The following PDE7B variants were observed in gnomAD, a reference collection of about 807,000 sequenced individuals.
PDE7B encodes the protein 3',5'-cyclic-AMP phosphodiesterase 7B.
In PDE7B, 29 loss-of-function variants were observed where a neutral mutation model predicts 56.2. That is an observed-to-expected ratio of 0.52 (90% confidence interval 0.38 to 0.70). The LOEUF is 0.70. PDE7B is among the 30% of genes least tolerant of loss of function. The pLI is 0.00. For synonymous variants in PDE7B, 197 were observed against 196.9 expected (o/e 1.00, Z 0.00); for missense variants, 490 against 565.0 (o/e 0.87, Z 1.35).
intron 2 of PDE7B, chr6:136,038,310 A>C (rs1302263285): frequency 4.6e-6 from 6 of 1,293,728 alleles, no homozygotes; most frequent in Non-Finnish European, 6.1e-6. Context: ...CTAGAGCGAT[A>C]TTTCCACCCA....
At chr6:135,864,463 C>T (rs1775212905) in intron 1 of PDE7B, among the ~76,000 whole-genome samples, 1 of 151,918 alleles carries the variant, frequency 6.6e-6, no homozygotes, top group Admixed American at 6.6e-5. Context: ...TGTACTTTTG[C>T]TGGTAATAAA....
At chr6:135,919,478 G>A (rs7739406) in intron 1 of PDE7B, among the ~76,000 whole-genome samples, 81,719 of 151,982 alleles carry the variant, frequency 0.54, 22,137 homozygotes, top group Middle Eastern at 0.63. Flanking sequence ...ACTGTGAATC[G>A]CTCTATTAGT....
chr6:136,077,738 C>G (rs945964001), intron 2 of PDE7B, among the ~76,000 whole-genome samples: 2 of 152,070 alleles, frequency 1.3e-5, no homozygotes, highest in Non-Finnish European at 2.9e-5. Flanking sequence ...TATTCCTGCA[C>G]TAATATGTGT....
chr6:135,987,512 C>T (rs1297668259), intron 2 of PDE7B, among the ~76,000 whole-genome samples: 1 of 152,064 alleles, frequency 6.6e-6, no homozygotes, highest in Non-Finnish European at 1.5e-5. Context: ...AAATGGAGGC[C>T]ACCAGAACTG....
At chr6:136,107,341 G>T (rs1777662888) in intron 2 of PDE7B, among the ~76,000 whole-genome samples, 1 of 152,128 alleles carries the variant, frequency 6.6e-6, no homozygotes, top group Non-Finnish European at 1.5e-5. Context: ...CCCTGATTCA[G>T]TTCTTCCAGA....
At chr6:135,934,831 A>AT (rs1177761719) in intron 1 of PDE7B, among the ~76,000 whole-genome samples, 1 of 117,870 alleles carries the variant, frequency 8.5e-6, no homozygotes, top group Non-Finnish European at 1.6e-5. Flanking sequence ...TTTAATAAAT[A>AT]AATATATATA....
intron 2 of PDE7B, among the ~76,000 whole-genome samples, chr6:136,037,033 A>G (rs1017135481): frequency 1.3e-5 from 2 of 152,244 alleles, no homozygotes; most frequent in African/African-American, 4.8e-5. Context: ...GACTAGGAAC[A>G]AGAGGCATGG....
intron 2 of PDE7B, among the ~76,000 whole-genome samples, chr6:136,081,460 G>C (rs979380591): frequency 1.3e-5 from 2 of 152,154 alleles, no homozygotes; most frequent in African/African-American, 2.4e-5. Context: ...TTGTTTGTTG[G>C]GGGGATGGTG....
At chr6:136,024,901 A>G (rs888757845) in intron 2 of PDE7B, among the ~76,000 whole-genome samples, 4 of 152,184 alleles carry the variant, frequency 2.6e-5, no homozygotes, top group Admixed American at 2.6e-4. Context: ...ACAACTGGGT[A>G]AATTTCTGAA....
intron 8 of PDE7B, among the ~76,000 whole-genome samples, chr6:136,164,983 A>C (rs905415189): frequency 1.3e-5 from 2 of 152,232 alleles, no homozygotes; most frequent in Admixed American, 1.3e-4. Context: ...TCACTAATAC[A>C]CTGGACATTA....
chr6:136,040,078 T>C (rs1348648923), intron 2 of PDE7B, among the ~76,000 whole-genome samples: 2 of 152,192 alleles, frequency 1.3e-5, no homozygotes, highest in Non-Finnish European at 2.9e-5. Flanking sequence ...TAGCTTCTTA[T>C]TACTTAAAAG....
At chr6:136,154,852 A>G (rs946291285) in intron 7 of PDE7B, among the ~76,000 whole-genome samples, 27 of 152,222 alleles carry the variant, frequency 1.8e-4, no homozygotes, top group African/African-American at 6.3e-4. Context: ...GTTGAGTTCA[A>G]TCTGTTTTTA....
At position 135,947,493 on chromosome 6, in the gene PDE7B, C is replaced by T. The variant is rs527266055; in HGVS notation, c.51C>T (p.Pro17=). 48 of 1,612,292 alleles carry T rather than the reference C, an allele frequency of 3.0e-5. No homozygotes were observed. Among genetic ancestry groups the T allele is most frequent in the Admixed American group, 8.3e-5 (5 of 59,942 alleles). The change falls in exon 2 of 13, where the codon CCC becomes CCT. Residue 17 remains proline (P), a synonymous_variant. Coordinates refer to ENST00000308191, the MANE Select transcript of PDE7B (RefSeq NM_018945.4). ...ERCGEILFEN[P]DQNAKCVCML... ...GTGGCGAAATCTTGTTTGAGAACCC[C>T]GATCAGAATGCCAAATGTGTTTGCA...
chr6:136,151,078 C>A (rs1778504507), intron 5 of PDE7B, 82 bp from the exon 6 acceptor site: 1 of 734,226 alleles, frequency 1.4e-6, no homozygotes, highest in Non-Finnish European at 2.4e-6. Context: ...AACTTTATTA[C>A]AGAGACTTTA....
intron 2 of PDE7B, among the ~76,000 whole-genome samples, chr6:136,050,182 T>G (rs1366190114): frequency 1.1e-4 from 16 of 152,190 alleles, no homozygotes. Flanking sequence ...TCCCAAATAC[T>G]TAACGTCTCC....
At chr6:136,158,944 A>C (rs140350833) in intron 8 of PDE7B, among the ~76,000 whole-genome samples, 1 of 152,382 alleles carries the variant, frequency 6.6e-6, no homozygotes, top group African/African-American at 2.4e-5. Flanking sequence ...TTGTAAAGGA[A>C]TAACTTTCAG....
intron 2 of PDE7B, among the ~76,000 whole-genome samples, chr6:135,959,997 C>G (rs769490264): frequency 1.3e-5 from 2 of 152,248 alleles, no homozygotes; most frequent in East Asian, 3.9e-4. Context: ...TGGTCTTTAA[C>G]TCCTGGGCTC....
chr6:136,115,367 CTGTA>C (rs1430383487), intron 3 of PDE7B, among the ~76,000 whole-genome samples: 1 of 152,002 alleles, frequency 6.6e-6, no homozygotes, highest in Non-Finnish European at 1.5e-5. Context: ...TAAAAGAGGG[CTGTA>C]TGCTAAGGTC....
At chr6:135,855,924 A>ACATTTCTTCAACTCTGGAGCTTC (rs1775019030) in intron 1 of PDE7B, among the ~76,000 whole-genome samples, 1 of 152,098 alleles carries the variant, frequency 6.6e-6, no homozygotes, top group African/African-American at 2.4e-5. Context: ...GAGTGAAGAC[A>ACATTTCTTCAACTCTGGAGCTTC]CATTTCTTCA....
Sources: gnomAD v4.1 joint callset for allele counts (sites outside exome capture counted in the v4.1 genomes callset) on GRCh38, gnomAD v4.1.1 for gene constraint, MANE v1.5 for transcripts, NCBI Gene and HGNC (gene_info 2026-07-23, HGNC 2026-07-21) for gene names.